The following TAB1 variants were observed in gnomAD, a reference collection of about 807,000 sequenced individuals.
The protein encoded by TAB1 is TGF-beta activated kinase 1 (MAP3K7) binding protein 1, also known as TGF-beta-activated kinase 1 and MAP3K7-binding protein 1.
A neutral mutation model predicts 54.5 loss-of-function variants in TAB1; 30 were observed. The ratio of observed to expected loss-of-function variants is 0.55; its 90% CI spans 0.41 to 0.75. TAB1 has a LOEUF of 0.75. Ranked by LOEUF, TAB1 falls within the 30% of genes least tolerant of loss-of-function variation. TAB1 has a pLI of 0.00. For missense variants in TAB1, 609 were observed against 683.2 expected (o/e 0.89, Z 1.21); for synonymous variants, 289 against 286.9 (o/e 1.01, Z -0.07).
intron 8 of TAB1, among the ~76,000 whole-genome samples, chr22:39,426,379 T>G (rs962532157): frequency 6.6e-5 from 10 of 152,116 alleles, no homozygotes; most frequent in African/African-American, 2.4e-4. Flanking sequence ...CTACTAGGCT[T>G]TTTAGTGGCT....
Position 39,431,013 on chromosome 22 carries a change from A to G in TAB1, c.*791A>G. 10 of 986,016 alleles carry G rather than the reference A, an allele frequency of 1.0e-5. No homozygotes were observed. Among genetic ancestry groups the G allele is most frequent in the Non-Finnish European group, 1.2e-5 (10 of 830,450 alleles). 61.1% of individuals were successfully genotyped at this position (986,016 alleles called of 1,614,324 possible). ...CAGGGTGAGCTGGTGCCTGCCTTGC[A>G]TTTTCCTTCTGGTGCTGTGAAGACC... is the stretch of plus-strand genomic sequence containing the variant. On this transcript the variant is annotated 3_prime_UTR_variant, in exon 11 of 11. Coordinates refer to ENST00000216160, the MANE Select transcript of TAB1 (RefSeq NM_006116.3).
chr22:39,416,657 C>T, intron 3 of TAB1, 134 bp from the exon 4 acceptor site: 1 of 812,200 alleles, frequency 1.2e-6, no homozygotes, highest in Non-Finnish European at 2.1e-6. Context: ...GCAGGACTGA[C>T]ATGTGGAAAG....
chr22:39,410,264 C>T (rs1260672622), intron 1 of TAB1, among the ~76,000 whole-genome samples: 3 of 152,148 alleles, frequency 2.0e-5, no homozygotes, highest in South Asian at 2.1e-4. Context: ...CGCACCACCA[C>T]GCCTGGCTAA....
chr22:39,422,323 C>T (rs543398790), intron 8 of TAB1, among the ~76,000 whole-genome samples: 5 of 151,762 alleles, frequency 3.3e-5, no homozygotes, highest in Admixed American at 2.6e-4. Context: ...TTCCCACACC[C>T]ATCACTTCCT....
intron 8 of TAB1, among the ~76,000 whole-genome samples, chr22:39,422,400 C>CT (rs965591327): frequency 0.019 from 1,667 of 88,508 alleles, 181 homozygotes; most frequent in African/African-American, 0.037. Context: ...CTTCTCATTT[C>CT]TTTTTTTTTT....
chr22:39,424,858 C>T lies in TAB1; in HGVS notation c.922-1845C>T, dbSNP rs1053829897. The stretch of plus-strand genomic sequence containing the variant: ...GGTAGAGTAGGGAATTTGGGGTCCA[C>T]GGAGTTCAGGTTCTTGCCAGAAGTG... On this transcript the variant is annotated intron_variant, in intron 8 of 10. Transcript: ENST00000216160. Among the ~76,000 whole-genome samples the T allele has an allele frequency of 4.6e-5, 7 of 152,196 alleles. No homozygotes were observed. The East Asian group carries it at 7.7e-4, about 17-fold the overall frequency.
rs373143633 is a variant in TAB1, at chr22:39,399,788, A to T, written c.-15A>T. 11 of 1,586,190 alleles carry T rather than the reference A, an allele frequency of 6.9e-6. No homozygotes were observed. The highest frequency in any genetic ancestry group is 1.1e-5 in the South Asian group (1 of 87,016). ...TCTGCGGGGAGGCGGGCGCTCCCGC[A>T]GGGGTTCCTCCAAGATGGCGGCGCA... is the stretch of plus-strand genomic sequence containing the variant. On this transcript the variant is annotated 5_prime_UTR_variant, in exon 1 of 11. Coordinates refer to ENST00000216160, the MANE Select transcript of TAB1 (RefSeq NM_006116.3).
At position 39,419,507 on chromosome 22, in the gene TAB1, T is replaced by C; in HGVS notation, c.665-12T>C. ...ACAAGAAGCAGGATTGTTGCACTGT[T>C]TCCCTCCGTAGGCTTGGATGCTGGA... On this transcript the variant is annotated splice_polypyrimidine_tract_variant and intron_variant, in intron 6 of 10. Coordinates refer to ENST00000216160, the MANE Select transcript of TAB1 (RefSeq NM_006116.3). 1 of 1,591,794 alleles carries C rather than the reference T, an allele frequency of 6.3e-7. No homozygotes were observed. The highest frequency in any genetic ancestry group is 8.6e-7 in the Non-Finnish European group (1 of 1,164,224).
rs559376460 is a variant in TAB1, at chr22:39,426,624, T to A, written c.922-79T>A. On this transcript the variant is annotated intron_variant, in intron 8 of 10. Transcript: ENST00000216160. ...GCTGTTGACCACTGAATCTCCTGAT[T>A]TTAGGCTCCAAGATTATGGCCCATG... is the stretch of plus-strand genomic sequence containing the variant. 375 of 1,327,876 alleles carry A rather than the reference T, an allele frequency of 2.8e-4. 5 individuals are homozygous for A. The South Asian group carries it at 5.2e-3, about 18-fold the overall frequency. 82.3% of individuals were successfully genotyped at this position (1,327,876 alleles called of 1,614,324 possible).
downstream of TAB1, among the ~76,000 whole-genome samples, chr22:39,432,064 A>G (rs921702580): frequency 1.3e-5 from 2 of 150,408 alleles, no homozygotes; most frequent in African/African-American, 2.4e-5. Context: ...CCGGGGAAAC[A>G]TGGCTTGCCT....
rs376771061 is a variant in TAB1, at chr22:39,426,891, C to T, written c.1110C>T (p.Gly370=). Reference sequence around the variant, plus strand: ...TGAGGAACTTTGGCTACCCGCTGGGCGAAATGAGCCAGCCCACACCGAGCC... The same window carrying T: ...TGAGGAACTTTGGCTACCCGCTGGGTGAAATGAGCCAGCCCACACCGAGCC... ...LLVRNFGYPL[G]EMSQPTPSPA... The change falls in exon 9 of 11, where the codon GGC becomes GGT. Residue 370 remains glycine, a synonymous_variant. Transcript: ENST00000216160. The T allele has an allele frequency of 2.0e-4, 323 of 1,612,460 alleles. 1 individual carries two copies. The highest frequency in any genetic ancestry group is 1.2e-3 in the African/African-American group (89 of 75,052).
chr22:39,415,000 C>T lies in TAB1; in HGVS notation c.34-6C>T. ...CGTCTCACGGCTTCCTGGTGTCCTT[C>T]CCCAGGAGCAGCAGCCAAGCTGGAC... On this transcript the variant is annotated splice_region_variant and splice_polypyrimidine_tract_variant and intron_variant, in intron 1 of 10. Coordinates refer to ENST00000216160, the MANE Select transcript of TAB1 (RefSeq NM_006116.3). 6.2e-7 allele frequency: 1 copy of T among 1,613,876 alleles called. No individual in the cohort carries two copies. The highest frequency in any genetic ancestry group is 8.5e-7 in the Non-Finnish European group (1 of 1,179,974).
intron 1 of TAB1, chr22:39,414,673 G>T (rs950811644): frequency 6.9e-6 from 2 of 288,706 alleles, no homozygotes; most frequent in African/African-American, 4.5e-5. Flanking sequence ...AAGAGGTGGG[G>T]TCCCCAGAGT....
chr22:39,422,996 T>A lies in TAB1; in HGVS notation c.921+1025T>A, dbSNP rs547019293. The stretch of plus-strand genomic sequence containing the variant: ...GCTTTGACTTTTTTTTTTTTTTTTT[T>A]AAGACTTGCTGTGTCACCCAGACTG... On this transcript the variant is annotated intron_variant, in intron 8 of 10. Coordinates refer to ENST00000216160, the MANE Select transcript of TAB1 (RefSeq NM_006116.3). 5.1e-4 allele frequency among the ~76,000 whole-genome samples: 77 copies of A among 150,770 alleles called. 2 individuals carry two copies. In the South Asian group the frequency reaches 0.013, roughly 26 times the overall value.
intron 10 of TAB1, chr22:39,429,196 G>C (rs564711470): frequency 5.1e-5 from 50 of 985,472 alleles, no homozygotes; most frequent in Non-Finnish European, 6.0e-5. Context: ...CTAACAGGCA[G>C]TTCCAGCTGT....
At chr22:39,424,355 GC>G (rs1290957777) in intron 8 of TAB1, among the ~76,000 whole-genome samples, 2 of 151,614 alleles carry the variant, frequency 1.3e-5, no homozygotes, top group African/African-American at 4.9e-5. Flanking sequence ...TTAGGTAGAT[GC>G]CCAGACTGCT....
At position 39,430,023 on chromosome 22, in the gene TAB1, C is replaced by G. The variant is rs868603929; in HGVS notation, c.1316C>G (p.Pro439Arg). The G allele has an allele frequency of 6.2e-7, 1 of 1,613,180 alleles. No individual in the cohort carries two copies. Among genetic ancestry groups the G allele is most frequent in the Middle Eastern group, 1.9e-4 (1 of 5,312 alleles). The change falls in exon 11 of 11, where the codon CCG (proline) becomes CGG (arginine). Residue 439 changes from proline (P) to arginine (R), a missense_variant. Coordinates refer to ENST00000216160, the MANE Select transcript of TAB1 (RefSeq NM_006116.3). ...CCCCTGTTGTCCTGCAGCCAAAGCC[C>G]GACCTTAACCCTGCAGTCCACCAAC... ...EATPTLTNQS[P>R]TLTLQSTNTH...
chr22:39,402,335 T>C (rs138363417), intron 1 of TAB1, among the ~76,000 whole-genome samples: 1 of 152,104 alleles, frequency 6.6e-6, no homozygotes, highest in East Asian at 1.9e-4. Flanking sequence ...TGTTTAAATA[T>C]GTGTGCATGT....
Position 39,415,003 on chromosome 22 carries a change from C to T in TAB1, c.34-3C>T, listed in dbSNP as rs1207788544. The T allele has an allele frequency of 6.2e-7, 1 of 1,613,842 alleles. No homozygotes were observed. The highest frequency in any genetic ancestry group is 8.5e-7 in the Non-Finnish European group (1 of 1,179,994). The stretch of plus-strand genomic sequence containing the variant: ...CTCACGGCTTCCTGGTGTCCTTCCC[C>T]AGGAGCAGCAGCCAAGCTGGACAGA... On this transcript the variant is annotated splice_region_variant and splice_polypyrimidine_tract_variant and intron_variant, in intron 1 of 10. Transcript: ENST00000216160. This position sits in a 1 kb window ranked among gnomAD's most constrained non-coding sequence, Gnocchi z 4.9.
Sources: gnomAD v4.1 joint callset for allele counts (sites outside exome capture counted in the v4.1 genomes callset) on GRCh38, gnomAD v4.1.1 for gene constraint, Gnocchi (gnomAD v3.1) non-coding constraint, MANE v1.5 for transcripts, NCBI Gene and HGNC (gene_info 2026-07-23, HGNC 2026-07-21) for gene names.